The following CFAP54 variants were observed in gnomAD, a reference collection of about 807,000 sequenced individuals.
CFAP54 encodes the protein cilia- and flagella-associated protein 54.
Under a neutral mutation model 370.4 loss-of-function variants are expected in CFAP54, and 290 were observed. The ratio of observed to expected loss-of-function variants is 0.78; its 90% confidence interval spans 0.71 to 0.86. The LOEUF (loss-of-function observed/expected upper bound fraction) is 0.86. Among genes scored for constraint, CFAP54 ranks in the 40% least tolerant of loss-of-function variants. The probability of loss-of-function intolerance (pLI) is 0.00; values close to 1 mark genes in which losing one functional copy is unlikely to be tolerated. For missense variants in CFAP54, 3,399 were observed against 3,528.7 expected (o/e 0.96, Z 0.93); for synonymous variants, 1,206 against 1,236.5 (o/e 0.98, Z 0.52).
chr12:96,825,323 T>TA (rs1959078355), intron 65 of CFAP54, among the ~76,000 whole-genome samples: 1 of 124,342 alleles, frequency 8.0e-6, no homozygotes, highest in Non-Finnish European at 1.6e-5. Context: ...ATAATATATA[T>TA]TATATAACAT....
At chr12:96,539,847 A>G (rs1011742684) in intron 13 of CFAP54, among the ~76,000 whole-genome samples, 1 of 152,168 alleles carries the variant, frequency 6.6e-6, no homozygotes, top group African/African-American at 2.4e-5. Context: ...TATAGGAGGG[A>G]GAAGGGTGAG....
intron 50 of CFAP54, among the ~76,000 whole-genome samples, chr12:96,732,380 C>T (rs1957931109): frequency 6.6e-6 from 1 of 152,138 alleles, no homozygotes; most frequent in Non-Finnish European, 1.5e-5. Flanking sequence ...GATCCACCCG[C>T]CTTGGCCTCC....
intron 55 of CFAP54, among the ~76,000 whole-genome samples, chr12:96,744,942 A>G (rs1958096385): frequency 6.6e-6 from 1 of 152,180 alleles, no homozygotes. Context: ...AAGTGAGAAC[A>G]TGTGGTGTTT....
At position 96,501,573 on chromosome 12, in the gene CFAP54, C is replaced by G. The variant is rs139883185; in HGVS notation, c.423+634C>G. Among the ~76,000 whole-genome samples the G allele has an allele frequency of 3.6e-4, 55 of 152,284 alleles. 1 individual carries two copies. The highest frequency in any genetic ancestry group is 1.2e-3 in the African/African-American group (49 of 41,554). ...GAGACCACAGCATGGCTGGGTTTTC[C>G]ATTAATGATCATGTGAGTTTCCCCC... On this transcript the variant is annotated intron_variant, in intron 2 of 67. Transcript: ENST00000524981.
chr12:96,778,574 G>A (rs574536601), intron 60 of CFAP54, among the ~76,000 whole-genome samples: 3 of 152,236 alleles, frequency 2.0e-5, no homozygotes, highest in East Asian at 3.9e-4. Context: ...TCTACTTGAT[G>A]ACAATTGCTT....
intron 19 of CFAP54, among the ~76,000 whole-genome samples, chr12:96,576,279 G>C (rs1955974612): frequency 6.6e-6 from 1 of 151,580 alleles, no homozygotes; most frequent in African/African-American, 2.4e-5. Flanking sequence ...AATGAAATGT[G>C]GTAGATATTC....
chr12:96,724,837 T>C (rs933687852), intron 50 of CFAP54, among the ~76,000 whole-genome samples: 9 of 152,234 alleles, frequency 5.9e-5, no homozygotes, highest in South Asian at 4.1e-4. Context: ...TAATCCATCT[T>C]GAATTAATTT....
intron 28 of CFAP54, 51 bp downstream of exon 28, chr12:96,623,932 C>G (rs570536947): frequency 8.6e-7 from 1 of 1,166,330 alleles, no homozygotes; most frequent in Non-Finnish European, 1.2e-6. Context: ...TTTTTTAAAA[C>G]GAGAAACTAT....
chr12:96,819,163 C>T (rs1250810355), intron 65 of CFAP54, among the ~76,000 whole-genome samples: 2 of 152,272 alleles, frequency 1.3e-5, no homozygotes, highest in Non-Finnish European at 2.9e-5. Flanking sequence ...TATTCAGTAT[C>T]GGTCATGAAA....
intron 40 of CFAP54, among the ~76,000 whole-genome samples, chr12:96,681,176 T>C (rs755297367): frequency 2.6e-5 from 4 of 151,594 alleles, no homozygotes; most frequent in Non-Finnish European, 5.9e-5. Flanking sequence ...ATGCAATTCC[T>C]AGGAATGGTT....
intron 48 of CFAP54, among the ~76,000 whole-genome samples, chr12:96,712,840 AAG>A (rs551039993): frequency 1.7e-3 from 265 of 152,306 alleles, no homozygotes; most frequent in Non-Finnish European, 3.0e-3. Context: ...CCAATAGCAA[AAG>A]AAACACAAGT....
At chr12:96,705,155 G>A (rs1275579301) in intron 47 of CFAP54, among the ~76,000 whole-genome samples, 1 of 152,106 alleles carries the variant, frequency 6.6e-6, no homozygotes, top group Non-Finnish European at 1.5e-5. Context: ...GAATGGGGAA[G>A]GAGTTCATAG....
chr12:96,640,155 G>C (rs576104739), intron 32 of CFAP54, among the ~76,000 whole-genome samples: 1 of 152,086 alleles, frequency 6.6e-6, no homozygotes, highest in African/African-American at 2.4e-5. Flanking sequence ...GTTTGCAGAC[G>C]ACATGATTAT....
At chr12:96,608,286 A>G (rs968172744) in intron 26 of CFAP54, among the ~76,000 whole-genome samples, 2 of 140,192 alleles carry the variant, frequency 1.4e-5, no homozygotes, top group Non-Finnish European at 3.0e-5. Flanking sequence ...ATGGTTGTGC[A>G]TTTTATATAT....
intron 66 of CFAP54, among the ~76,000 whole-genome samples, chr12:96,853,354 C>T (rs999258702): frequency 6.6e-6 from 1 of 152,026 alleles, no homozygotes; most frequent in Non-Finnish European, 1.5e-5. Flanking sequence ...AAAACAAATA[C>T]ATATATATAC....
Position 96,743,726 on chromosome 12 carries a change from A to C in CFAP54, c.7378-5A>C. Reference sequence around the variant, plus strand: ...CTATCAAAATGAATAATTTTATTTTAATAGGATATAATACATTTGCTGGAA... The same window carrying C: ...CTATCAAAATGAATAATTTTATTTTCATAGGATATAATACATTTGCTGGAA... On this transcript the variant is annotated splice_polypyrimidine_tract_variant and splice_region_variant and intron_variant, in intron 53 of 67. Coordinates refer to ENST00000524981, the MANE Select transcript of CFAP54 (RefSeq NM_001306084.2). 1 of 1,580,684 alleles carries C rather than the reference A, an allele frequency of 6.3e-7. No individual in the cohort carries two copies. Among genetic ancestry groups the C allele is most frequent in the Non-Finnish European group, 8.6e-7 (1 of 1,165,014 alleles).
intron 50 of CFAP54, among the ~76,000 whole-genome samples, chr12:96,728,022 T>C (rs1180863947): frequency 6.6e-6 from 1 of 152,230 alleles, no homozygotes. Flanking sequence ...TCTTCTGGCT[T>C]GTAGAGTTTC....
chr12:96,591,310 G>T (rs957307257), intron 23 of CFAP54, among the ~76,000 whole-genome samples: 1 of 152,102 alleles, frequency 6.6e-6, no homozygotes, highest in African/African-American at 2.4e-5. Flanking sequence ...CACTTTTGTA[G>T]CATGATAGGC....
Position 96,533,774 on chromosome 12 carries a change from C to T in CFAP54, c.1358-18C>T, listed in dbSNP as rs1955469232. The T allele has an allele frequency of 2.7e-6, 4 of 1,489,628 alleles. No individual in the cohort carries two copies. In the African/African-American group the frequency reaches 5.7e-5, roughly 21 times the overall value. The allele number at this position is 1,489,628 out of a possible 1,614,324, so 92.3% of individuals were successfully genotyped here. On this transcript the variant is annotated intron_variant, in intron 9 of 67. Transcript: ENST00000524981. ...ATTTGCATGAGTGATATTCAAAACT[C>T]TCTTCTTCCTTTCCTAGTGTCAAAT...
Sources: allele counts gnomAD v4.1 joint callset (sites outside exome capture counted in the v4.1 genomes callset), GRCh38; gene constraint gnomAD v4.1.1; transcripts MANE v1.5; gene names NCBI Gene and HGNC (gene_info 2026-07-23, HGNC 2026-07-21).